MARCHF1: variants seen among roughly 807,000 people sequenced by gnomAD.
MARCHF1 encodes membrane associated ring-CH-type finger 1, also known as E3 ubiquitin-protein ligase MARCHF1.
In MARCHF1, 40 loss-of-function variants were observed where a neutral mutation model predicts 54.2. That is an observed-to-expected ratio of 0.74 (90% confidence interval 0.57 to 0.96). The LOEUF is 0.96. Among genes scored for constraint, MARCHF1 ranks in the 40% least tolerant of loss-of-function variants. MARCHF1 has a pLI of 0.00. For missense variants in MARCHF1, 586 were observed against 656.5 expected (o/e 0.89, Z 1.17); for synonymous variants, 236 against 236.3 (o/e 1.00, Z 0.01).
intron 3 of MARCHF1, among the ~76,000 whole-genome samples, chr4:163,889,926 CT>C (rs1230221196): frequency 0.067 from 3,395 of 50,768 alleles, 116 homozygotes; most frequent in East Asian, 0.17. Flanking sequence ...TTTCTTTTTT[CT>C]TTTTTTTTTT....
Position 163,768,652 on chromosome 4 carries a change from A to C in MARCHF1, c.112-67789T>G, listed in dbSNP as rs148102637. Among the ~76,000 whole-genome samples the C allele has an allele frequency of 5.7e-4, 87 of 152,300 alleles. 3 individuals carry two copies. The East Asian group carries it at 0.012, about 22-fold the overall frequency. On this transcript the variant is annotated intron_variant, in intron 4 of 9. Transcript: ENST00000514618. ...ATTATTGTTTTGCAAGAGCTTGAATATATTTCAAAGACTGAATGAATCATC... is the reference window on the plus strand; with the variant it reads ...ATTATTGTTTTGCAAGAGCTTGAATCTATTTCAAAGACTGAATGAATCATC...
At chr4:163,650,092 AT>A (rs1321238876) in intron 5 of MARCHF1, among the ~76,000 whole-genome samples, 1 of 151,892 alleles carries the variant, frequency 6.6e-6, no homozygotes, top group African/African-American at 2.4e-5. Flanking sequence ...TAAACAGAAG[AT>A]TTTAGAAAAG....
intron 3 of MARCHF1, among the ~76,000 whole-genome samples, chr4:163,985,836 A>C (rs1752851718): frequency 6.6e-6 from 1 of 152,206 alleles, no homozygotes; most frequent in Non-Finnish European, 1.5e-5. Flanking sequence ...AACATTAAGG[A>C]AACTTCAAGA....
At chr4:164,243,139 T>C (rs1200476699) in intron 1 of MARCHF1, among the ~76,000 whole-genome samples, 3 of 125,544 alleles carry the variant, frequency 2.4e-5, no homozygotes, top group African/African-American at 9.4e-5. Flanking sequence ...GCCACAAAGA[T>C]ACTCCTCGAG....
At chr4:163,652,608 C>T (rs1560999651) in intron 5 of MARCHF1, among the ~76,000 whole-genome samples, 1 of 151,774 alleles carries the variant, frequency 6.6e-6, no homozygotes. Context: ...TGACATATAA[C>T]CTTGCTTATG....
chr4:164,039,976 TA>T (rs768791175), intron 2 of MARCHF1, among the ~76,000 whole-genome samples: 1 of 147,422 alleles, frequency 6.8e-6, no homozygotes, highest in Non-Finnish European at 1.5e-5. Context: ...ATTATATATA[TA>T]TATATATAAA....
intron 1 of MARCHF1, among the ~76,000 whole-genome samples, chr4:164,305,898 T>C (rs760833017): frequency 6.6e-6 from 1 of 152,076 alleles, no homozygotes; most frequent in Non-Finnish European, 1.5e-5. Flanking sequence ...TTATTATATG[T>C]CAACTAAAAA....
intron 1 of MARCHF1, among the ~76,000 whole-genome samples, chr4:164,296,204 TCAAA>T (rs1465470657): frequency 3.3e-5 from 5 of 152,168 alleles, no homozygotes; most frequent in Non-Finnish European, 7.4e-5. Flanking sequence ...ACCAAATCAA[TCAAA>T]CAATCATATG....
intron 1 of MARCHF1, among the ~76,000 whole-genome samples, chr4:164,256,624 A>G (rs1733295406): frequency 6.6e-6 from 1 of 152,162 alleles, no homozygotes; most frequent in South Asian, 2.1e-4. Context: ...ACAGACTGAG[A>G]AAACTTTTAA....
chr4:164,329,859 T>C (rs1015697322), intron 1 of MARCHF1: 7 of 152,392 alleles, frequency 4.6e-5, no homozygotes, highest in African/African-American at 1.4e-4. Flanking sequence ...ACCCTCATGA[T>C]CTAAACACCT....
intron 7 of MARCHF1, among the ~76,000 whole-genome samples, chr4:163,602,089 T>C (rs536111126): frequency 1.0e-3 from 156 of 152,202 alleles, no homozygotes; most frequent in Non-Finnish European, 1.9e-3. Flanking sequence ...TTTTTAAAAT[T>C]ATTTTTTATA....
At chr4:163,919,018 C>A (rs887176373) in intron 3 of MARCHF1, among the ~76,000 whole-genome samples, 7 of 151,992 alleles carry the variant, frequency 4.6e-5, no homozygotes, top group African/African-American at 1.4e-4. Flanking sequence ...AATACTTTGA[C>A]AAGACCATAA....
chr4:163,633,293 A>C (rs1015294001), intron 5 of MARCHF1, among the ~76,000 whole-genome samples: 1 of 152,058 alleles, frequency 6.6e-6, no homozygotes, highest in Non-Finnish European at 1.5e-5. Context: ...CGATCAAATT[A>C]CTCTGAGCTA....
At chr4:163,879,804 C>CGTGTATGT (rs1553960441) in intron 3 of MARCHF1, among the ~76,000 whole-genome samples, 67 of 148,494 alleles carry the variant, frequency 4.5e-4, no homozygotes, top group African/African-American at 1.6e-3. Flanking sequence ...GATTTAGAGG[C>CGTGTATGT]GTGTGTGTGT....
intron 1 of MARCHF1, among the ~76,000 whole-genome samples, chr4:164,333,455 T>C (rs193172342): frequency 4.1e-4 from 62 of 152,344 alleles, no homozygotes; most frequent in African/African-American, 1.5e-3. Flanking sequence ...TTAAATGATT[T>C]CATTATTATT....
intron 2 of MARCHF1, among the ~76,000 whole-genome samples, chr4:164,060,932 A>G (rs1375967202): frequency 2.0e-5 from 3 of 152,190 alleles, no homozygotes; most frequent in East Asian, 1.9e-4. Context: ...TGTTGAATAT[A>G]TAAGTGATAT....
intron 3 of MARCHF1, among the ~76,000 whole-genome samples, chr4:163,985,279 A>C (rs1219655768): frequency 6.6e-6 from 1 of 152,148 alleles, no homozygotes; most frequent in Non-Finnish European, 1.5e-5. Context: ...TTAATTGCCT[A>C]ATCAATCTCC....
In MARCHF1 at chr4:164,079,677, T is replaced by C. The variant is rs1012135810; in HGVS notation, c.-248+31911A>G. ...TAGGTATTTATACTCATTCTTAAAATGATTTGTGTAATCCTTTATTTTTGG... is the reference window on the plus strand; with the variant it reads ...TAGGTATTTATACTCATTCTTAAAACGATTTGTGTAATCCTTTATTTTTGG... On this transcript the variant is annotated intron_variant, in intron 2 of 9. Transcript: ENST00000514618. Among the ~76,000 whole-genome samples, 4 of 152,172 alleles carry C rather than the reference T, an allele frequency of 2.6e-5. No individual in the cohort carries two copies. The East Asian group carries it at 5.8e-4, about 22-fold the overall frequency.
chr4:164,367,685 G>A lies in MARCHF1; in HGVS notation c.-323+16185C>T, dbSNP rs149211932. The stretch of plus-strand genomic sequence containing the variant: ...TTTTCTTTTTCCAATTTTCTACAAC[G>A]TTTGTTTACATTATGCATATTTCTT... On this transcript the variant is annotated intron_variant, in intron 1 of 9. Coordinates refer to ENST00000514618, the MANE Select transcript of MARCHF1 (RefSeq NM_001394959.1). Among the ~76,000 whole-genome samples, 957 of 148,576 alleles carry A rather than the reference G, an allele frequency of 6.4e-3. 6 individuals carry two copies. The highest frequency in any genetic ancestry group is 0.011 in the Non-Finnish European group (730 of 67,052).
Sources: gnomAD v4.1 joint callset for allele counts (sites outside exome capture counted in the v4.1 genomes callset) on GRCh38, gnomAD v4.1.1 for gene constraint, MANE v1.5 for transcripts, NCBI Gene and HGNC (gene_info 2026-07-23, HGNC 2026-07-21) for gene names.